VCP: variants seen among roughly 807,000 people sequenced by gnomAD.
VCP encodes the protein valosin containing protein, also known as transitional endoplasmic reticulum ATPase.
VCP carries 6 observed loss-of-function variants against 85.7 expected under a neutral mutation model. The observed-to-expected ratio is 0.07, with a 90% CI of 0.04 to 0.14. VCP has a LOEUF of 0.14. Ranked by LOEUF, VCP falls within the 10% of genes least tolerant of loss-of-function variation. VCP has a pLI of 1.00. For synonymous variants in VCP, 384 were observed against 367.1 expected (o/e 1.05, Z -0.53); for missense variants, 353 against 1,043.4 (o/e 0.34, Z 9.12).
chr9:35,071,683 C>A, intron 1 of VCP: 1 of 983,606 alleles, frequency 1.0e-6, no homozygotes, highest in African/African-American at 1.7e-5. Flanking sequence ...GTAAGAAGAC[C>A]AGAAGCGAAA....
intron 4 of VCP, 143 bp downstream of exon 4, chr9:35,066,532 C>T: frequency 8.0e-7 from 1 of 1,248,656 alleles, no homozygotes; most frequent in Non-Finnish European, 1.1e-6. Flanking sequence ...CAGCTGACCC[C>T]ATCTCTTAAA....
rs779199730 is a variant in VCP, at chr9:35,057,372, T to C, written c.2315+4A>G. The C allele has an allele frequency of 6.2e-6, 10 of 1,614,114 alleles. No homozygotes were observed. The highest frequency in any genetic ancestry group is 1.3e-5 in the African/African-American group (1 of 74,950). ...GCACTGTCTAATGCTCCCAACCAAC[T>C]TACCTGAAGCTGCCAAAGCCCCGAC... On this transcript the variant is annotated splice_donor_region_variant and intron_variant, in intron 16 of 16. Coordinates refer to ENST00000358901, the MANE Select transcript of VCP (RefSeq NM_007126.5).
chr9:35,069,441 T>TCCC (rs1165717907), intron 1 of VCP, among the ~76,000 whole-genome samples: 1 of 126,822 alleles, frequency 7.9e-6, no homozygotes, highest in African/African-American at 3.1e-5. Context: ...AAGCTCCCTC[T>TCCC]CCCTTTTTTT....
intron 1 of VCP, among the ~76,000 whole-genome samples, chr9:35,071,055 A>G (rs1828931219): frequency 6.6e-6 from 1 of 152,214 alleles, no homozygotes; most frequent in Non-Finnish European, 1.5e-5. Context: ...GGTGACCAAG[A>G]GGTTAGAAAC....
At chr9:35,067,065 G>A (rs2131039411) in intron 3 of VCP, among the ~76,000 whole-genome samples, 2 of 152,320 alleles carry the variant, frequency 1.3e-5, no homozygotes, top group South Asian at 4.1e-4. Context: ...AGGGTCTTCA[G>A]GGAGATATCC....
At chr9:35,060,177 T>C in intron 13 of VCP, 136 bp downstream of exon 13, 2 of 972,934 alleles carry the variant, frequency 2.1e-6, no homozygotes, top group Non-Finnish European at 3.1e-6. Flanking sequence ...CTCTCAGACC[T>C]CAGAAAGAAA....
chr9:35,064,297 G>T lies in VCP; in HGVS notation c.577-12C>A. On this transcript the variant is annotated splice_polypyrimidine_tract_variant and intron_variant, in intron 5 of 16. Coordinates refer to ENST00000358901, the MANE Select transcript of VCP (RefSeq NM_007126.5). ...GACTCTTCCTCATCCTGAATATGGAGGAGATAAAGAAAGGAGAAGGCAAGA... is the reference window on the plus strand; with the variant it reads ...GACTCTTCCTCATCCTGAATATGGATGAGATAAAGAAAGGAGAAGGCAAGA... The T allele has an allele frequency of 6.2e-7, 1 of 1,613,910 alleles. No homozygotes were observed. Among genetic ancestry groups the T allele is most frequent in the Non-Finnish European group, 8.5e-7 (1 of 1,179,980 alleles).
Position 35,062,151 on chromosome 9 carries a change from G to A in VCP, c.946-13C>T. ...CCTCGCCATGAGTCTGCCAGAACAG[G>A]ATGTCTGGTCAGAAGTGAAGTCAGG... On this transcript the variant is annotated splice_polypyrimidine_tract_variant and intron_variant, in intron 8 of 16. Coordinates refer to ENST00000358901, the MANE Select transcript of VCP (RefSeq NM_007126.5). 6.2e-7 allele frequency: 1 copy of A among 1,614,130 alleles called. No individual in the cohort carries two copies. Among genetic ancestry groups the A allele is most frequent in the East Asian group, 2.2e-5 (1 of 44,874 alleles).
At chr9:35,065,182 GA>G in intron 5 of VCP, 68 bp downstream of exon 5, 1 of 1,610,922 alleles carries the variant, frequency 6.2e-7, no homozygotes, top group East Asian at 2.2e-5. Flanking sequence ...ACCCAGTCCT[GA>G]CAGTTACCAC....
rs28391478 is a variant in VCP, at chr9:35,058,458, A to C, written c.2160+606T>G. On this transcript the variant is annotated intron_variant, in intron 15 of 16. Coordinates refer to ENST00000358901, the MANE Select transcript of VCP (RefSeq NM_007126.5). Reference sequence around the variant, plus strand: ...CCTTCCCCAACCATCAGGGATAAGTATATGAGTCTCATCTCAGCTCAAAAC... The same window carrying C: ...CCTTCCCCAACCATCAGGGATAAGTCTATGAGTCTCATCTCAGCTCAAAAC... Among the ~76,000 whole-genome samples the C allele has an allele frequency of 6.1e-3, 934 of 152,322 alleles. 10 individuals are homozygous for C. Among genetic ancestry groups the C allele is most frequent in the African/African-American group, 0.02 (852 of 41,580 alleles).
chr9:35,072,144 G>A, intron 1 of VCP, 193 bp downstream of exon 1: 1 of 1,391,710 alleles, frequency 7.2e-7, no homozygotes, highest in South Asian at 1.5e-5. Flanking sequence ...CGCCTAGGGG[G>A]CGCGCGGGTG....
intron 4 of VCP, 118 bp from the exon 5 acceptor site, chr9:35,065,499 T>C (rs1053365087): frequency 7.3e-7 from 1 of 1,369,344 alleles, no homozygotes; most frequent in African/African-American, 1.4e-5. Flanking sequence ...TCATTAGATA[T>C]TGCCCTACCT....
At position 35,068,001 on chromosome 9, in the gene VCP, T is replaced by C. The variant is rs1828866649; in HGVS notation, c.192A>G (p.Arg64=). 1.2e-6 allele frequency: 2 copies of C among 1,614,250 alleles called. No homozygotes were observed. The highest frequency in any genetic ancestry group is 1.7e-6 in the Non-Finnish European group (2 of 1,180,052). Residue 64 remains arginine (R), a synonymous_variant, in exon 3 of 17, where the codon AGA becomes AGG. Transcript: ENST00000358901. The part of the protein sequence containing the change: ...GDTVLLKGKK[R]REAVCIVLSD... ...AAAGGACGATGCAAACAGCTTCTCG[T>C]CTCTTCTTTCCTTTCAGCAACACTG... is the stretch of plus-strand genomic sequence containing the variant.
rs754299259 is a variant in VCP, at chr9:35,059,191, A to G, written c.2033T>C (p.Met678Thr). 1 of 1,614,138 alleles carries G rather than the reference A, an allele frequency of 6.2e-7. No individual in the cohort carries two copies. Among genetic ancestry groups the G allele is most frequent in the Non-Finnish European group, 8.5e-7 (1 of 1,180,022 alleles). Residue 678 changes from methionine to threonine, a missense_variant, in exon 15 of 17, where the codon ATG becomes ACG. Physicochemically the swap from Met to Thr is moderately conservative, Grantham distance 81. Around this residue, in one of 8 missense-constraint regions of VCP, gnomAD observed 93 missense variants for 197.1 expected, o/e 0.47. Coordinates refer to ENST00000358901, the MANE Select transcript of VCP (RefSeq NM_007126.5). This position sits in a 1 kb window ranked among gnomAD's most constrained non-coding sequence, Gnocchi z 4.9. ...KDVDLEFLAK[M>T]TNGFSGADLT... is the part of the protein sequence containing the mutation. ...GTCAGCTCCAGAGAAGCCATTAGTC[A>G]TTTTAGCCAGGAACTCCAAGTCCAC...
chr9:35,066,325 A>C (rs1158286168), intron 4 of VCP, among the ~76,000 whole-genome samples: 8 of 148,036 alleles, frequency 5.4e-5, no homozygotes, highest in Non-Finnish European at 1.2e-4. Flanking sequence ...ACTGTGGCCC[A>C]ATCTTGGCTC....
chr9:35,068,784 C>A (rs1828883519), intron 1 of VCP, among the ~76,000 whole-genome samples: 1 of 152,140 alleles, frequency 6.6e-6, no homozygotes, highest in African/African-American at 2.4e-5. Flanking sequence ...TAATTGTGAT[C>A]TTGGGCAAGT....
intron 12 of VCP, 138 bp from the exon 13 acceptor site, chr9:35,060,663 G>A: frequency 6.5e-7 from 1 of 1,546,400 alleles, no homozygotes; most frequent in African/African-American, 1.4e-5. Context: ...AGACTCCTTA[G>A]TGCCTCAAAC....
chr9:35,057,574 G>T (rs368542781), intron 15 of VCP, 44 bp from the exon 16 acceptor site: 1 of 1,600,516 alleles, frequency 6.2e-7, no homozygotes, highest in Non-Finnish European at 8.5e-7. Flanking sequence ...TTAAAGCCCA[G>T]CCTGGATTTC....
At chr9:35,063,948 C>A (rs568316951) in intron 6 of VCP, among the ~76,000 whole-genome samples, 30 of 152,344 alleles carry the variant, frequency 2.0e-4, no homozygotes, top group African/African-American at 7.0e-4. Context: ...ACGCACACAA[C>A]AGACAATTTG....
Sources: gnomAD v4.1 joint callset for allele counts (sites outside exome capture counted in the v4.1 genomes callset) on GRCh38, gnomAD v4.1.1 for gene constraint, gnomAD v4.1.1 regional missense constraint, Gnocchi (gnomAD v3.1) non-coding constraint, MANE v1.5 for transcripts, NCBI Gene and HGNC (gene_info 2026-07-23, HGNC 2026-07-21) for gene names.